The following AMOTL1 variants were observed in gnomAD, a reference collection of about 807,000 sequenced individuals.
AMOTL1 encodes angiomotin-like protein 1.
AMOTL1 carries 45 observed loss-of-function variants against 102.9 expected under a neutral mutation model. The observed-to-expected ratio is 0.44, with a 90% CI of 0.34 to 0.56. The LOEUF (loss-of-function observed/expected upper bound fraction) is 0.56. Among genes scored for constraint, AMOTL1 ranks in the 20% least tolerant of loss-of-function variants. AMOTL1 has a pLI of 0.01. For missense variants in AMOTL1, 1,114 were observed against 1,225.6 expected (o/e 0.91, Z 1.36); for synonymous variants, 481 against 484.7 (o/e 0.99, Z 0.10).
At chr11:94,842,601 T>C (rs1438322932) in intron 6 of AMOTL1, among the ~76,000 whole-genome samples, 1 of 152,232 alleles carries the variant, frequency 6.6e-6, no homozygotes, top group African/African-American at 2.4e-5. Context: ...TCCCATATTA[T>C]CCATCTCTCC....
intron 4 of AMOTL1, among the ~76,000 whole-genome samples, chr11:94,823,989 G>T (rs1269825216): frequency 6.6e-6 from 1 of 152,070 alleles, no homozygotes; most frequent in African/African-American, 2.4e-5. Context: ...AAAGTGCTAG[G>T]ATTAAACATG....
rs2135748229 is a variant in AMOTL1, at chr11:94,870,981, G to T, written c.*186G>T. On this transcript the variant is annotated 3_prime_UTR_variant, in exon 13 of 13. Coordinates refer to ENST00000433060, the MANE Select transcript of AMOTL1 (RefSeq NM_130847.3). ...AAACTACATGACTGAAGATAGAAGA[G>T]AATGCGATGGATTTTATTACACATG... The T allele has an allele frequency of 2.0e-6, 1 of 492,732 alleles. No individual in the cohort carries two copies. Among genetic ancestry groups the T allele is most frequent in the African/African-American group, 1.9e-5 (1 of 52,532 alleles). 30.5% of individuals were successfully genotyped at this position (492,732 alleles called of 1,614,324 possible).
intron 1 of AMOTL1, among the ~76,000 whole-genome samples, chr11:94,775,543 A>G (rs796731173): frequency 3.7e-4 from 57 of 152,044 alleles, no homozygotes; most frequent in African/African-American, 1.3e-3. Flanking sequence ...CTATGTTTTT[A>G]AAGTTCTAGA....
chr11:94,826,022 C>T (rs1951955826), intron 4 of AMOTL1, among the ~76,000 whole-genome samples: 1 of 152,190 alleles, frequency 6.6e-6, no homozygotes, highest in Admixed American at 6.5e-5. Context: ...TGGTGGCTCA[C>T]CCCTGTAATC....
At chr11:94,748,308 G>T (rs535871101) in intron 3 of AMOTL1, among the ~76,000 whole-genome samples, 2 of 152,158 alleles carry the variant, frequency 1.3e-5, no homozygotes, top group African/African-American at 4.8e-5. Flanking sequence ...TATCACATCC[G>T]CATTCTAGTC....
intron 1 of AMOTL1, among the ~76,000 whole-genome samples, chr11:94,771,960 C>T (rs1041321014): frequency 1.3e-5 from 2 of 152,224 alleles, no homozygotes; most frequent in African/African-American, 4.8e-5. Flanking sequence ...TGAGACCTCA[C>T]TGGCCAATAT....
At chr11:94,826,485 G>A (rs1459430391) in intron 4 of AMOTL1, among the ~76,000 whole-genome samples, 1 of 152,144 alleles carries the variant, frequency 6.6e-6, no homozygotes, top group Non-Finnish European at 1.5e-5. Context: ...CATGACACTG[G>A]TATCTTCTTG....
intron 8 of AMOTL1, among the ~76,000 whole-genome samples, chr11:94,856,626 G>GCAGC (rs1264386428): frequency 6.6e-6 from 1 of 152,154 alleles, no homozygotes; most frequent in African/African-American, 2.4e-5. Flanking sequence ...TTCTTGGGCA[G>GCAGC]CAGCCTCGGG....
At chr11:94,860,178 A>C (rs1478804092) in intron 9 of AMOTL1, among the ~76,000 whole-genome samples, 1 of 152,188 alleles carries the variant, frequency 6.6e-6, no homozygotes, top group Non-Finnish European at 1.5e-5. Context: ...CCAAACTAGA[A>C]GAATAGATAA....
intron 3 of AMOTL1, among the ~76,000 whole-genome samples, chr11:94,747,282 C>T (rs534378626): frequency 6.6e-6 from 1 of 152,242 alleles, no homozygotes; most frequent in East Asian, 1.9e-4. Context: ...TTTGGGGTTG[C>T]TTGACCCTCT....
At chr11:94,719,213 C>A (rs906824121) in intron 1 of AMOTL1, among the ~76,000 whole-genome samples, 3 of 152,048 alleles carry the variant, frequency 2.0e-5, no homozygotes, top group African/African-American at 7.2e-5. Flanking sequence ...TTCTGTGCTA[C>A]CAAATAATTT....
At chr11:94,839,152 G>A (rs1466505334) in intron 6 of AMOTL1, among the ~76,000 whole-genome samples, 2 of 152,232 alleles carry the variant, frequency 1.3e-5, no homozygotes, top group Non-Finnish European at 2.9e-5. Flanking sequence ...TGGAGGCTGT[G>A]GAGCTGCTGG....
intron 3 of AMOTL1, among the ~76,000 whole-genome samples, chr11:94,748,651 A>C (rs891593115): frequency 6.6e-6 from 1 of 152,166 alleles, no homozygotes; most frequent in African/African-American, 2.4e-5. Flanking sequence ...CAAGTTACTT[A>C]ATCTGTATCT....
intron 4 of AMOTL1, among the ~76,000 whole-genome samples, chr11:94,826,023 C>G (rs1263133961): frequency 6.6e-6 from 1 of 152,054 alleles, no homozygotes; most frequent in Non-Finnish European, 1.5e-5. Context: ...GGTGGCTCAC[C>G]CCTGTAATCC....
intron 1 of AMOTL1, among the ~76,000 whole-genome samples, chr11:94,778,662 T>C (rs1346547898): frequency 6.6e-6 from 1 of 152,214 alleles, no homozygotes; most frequent in Non-Finnish European, 1.5e-5. Flanking sequence ...CATTTTATTA[T>C]GCTTATAGAT....
chr11:94,794,410 T>G (rs1951330971), intron 1 of AMOTL1, among the ~76,000 whole-genome samples: 1 of 152,184 alleles, frequency 6.6e-6, no homozygotes, highest in Admixed American at 6.5e-5. Flanking sequence ...CTCCAGTTTG[T>G]GTGTGAAGCA....
chr11:94,748,078 C>T (rs1338443378), intron 3 of AMOTL1, among the ~76,000 whole-genome samples: 4 of 152,270 alleles, frequency 2.6e-5, no homozygotes. Context: ...GACTGAGCCT[C>T]ATTTGGGCCA....
chr11:94,719,460 A>G (rs891251724), intron 1 of AMOTL1, among the ~76,000 whole-genome samples: 6 of 152,084 alleles, frequency 3.9e-5, no homozygotes, highest in Non-Finnish European at 8.8e-5. Context: ...ATAGTATACA[A>G]TGTATGCATG....
At chr11:94,837,437 A>G (rs537579605) in intron 6 of AMOTL1, among the ~76,000 whole-genome samples, 1 of 152,222 alleles carries the variant, frequency 6.6e-6, no homozygotes, top group Admixed American at 6.5e-5. Flanking sequence ...GGACCTGCCA[A>G]CTTTCAGGGT....
Sources: gnomAD v4.1 joint callset for allele counts (sites outside exome capture counted in the v4.1 genomes callset) on GRCh38, gnomAD v4.1.1 for gene constraint, MANE v1.5 for transcripts, NCBI Gene and HGNC (gene_info 2026-07-23, HGNC 2026-07-21) for gene names.